DLGAP2: variants seen among roughly 807,000 people sequenced by gnomAD.
The protein encoded by DLGAP2 is disks large-associated protein 2.
In DLGAP2, 26 loss-of-function variants were observed where a neutral mutation model predicts 100.3. That is an observed-to-expected ratio of 0.26 (90% confidence interval 0.19 to 0.36). The LOEUF is 0.36. DLGAP2 is among the 10% of genes least tolerant of loss of function. The probability of loss-of-function intolerance (pLI) is 1.00; values close to 1 mark genes in which losing one functional copy is unlikely to be tolerated. For missense variants in DLGAP2, 1,858 were observed against 1,453.2 expected (o/e 1.28, Z -4.53); for synonymous variants, 886 against 630.1 (o/e 1.41, Z -6.08).
At chr8:1,136,442 C>A (rs1679281392) in intron 2 of DLGAP2, among the ~76,000 whole-genome samples, 1 of 152,204 alleles carries the variant, frequency 6.6e-6, no homozygotes, top group African/African-American at 2.4e-5. Context: ...AGCTCTCTGG[C>A]TCCCCATACA....
chr8:1,372,250 G>A (rs533606580), intron 3 of DLGAP2, among the ~76,000 whole-genome samples: 61 of 151,480 alleles, frequency 4.0e-4, no homozygotes, highest in Non-Finnish European at 6.6e-4. Context: ...ACGCTGGGAC[G>A]CTGGTCACCG....
chr8:1,377,368 C>T (rs1039662707), intron 3 of DLGAP2, among the ~76,000 whole-genome samples: 1 of 152,168 alleles, frequency 6.6e-6, no homozygotes, highest in Non-Finnish European at 1.5e-5. Context: ...TATGGTGAAA[C>T]CCCGTCTCTA....
chr8:1,338,157 A>G (rs1450991391), intron 3 of DLGAP2, among the ~76,000 whole-genome samples: 1 of 152,264 alleles, frequency 6.6e-6, no homozygotes, highest in Non-Finnish European at 1.5e-5. Flanking sequence ...CAGTTACCTT[A>G]TGACCCAGTG....
chr8:816,330 T>C (rs892211952), intron 1 of DLGAP2, among the ~76,000 whole-genome samples: 3 of 152,070 alleles, frequency 2.0e-5, no homozygotes, highest in Non-Finnish European at 4.4e-5. Context: ...GTGAGATTTA[T>C]GCTTTAAGGA....
intron 2 of DLGAP2, among the ~76,000 whole-genome samples, chr8:1,000,517 A>G (rs1400802359): frequency 6.9e-6 from 1 of 145,118 alleles, no homozygotes; most frequent in Non-Finnish European, 1.5e-5. Context: ...TTTGCAATGG[A>G]TTTTCTATAG....
At chr8:1,343,705 G>T (rs1424255648) in intron 3 of DLGAP2, among the ~76,000 whole-genome samples, 1 of 128,796 alleles carries the variant, frequency 7.8e-6, no homozygotes, top group Non-Finnish European at 1.7e-5. Flanking sequence ...GCATCTGGGG[G>T]GTCGTGGGGG....
In DLGAP2 at chr8:1,123,064, T is replaced by C. The variant is rs1010453257; in HGVS notation, c.74-135787T>C. Among the ~76,000 whole-genome samples the C allele has an allele frequency of 2.0e-5, 3 of 152,244 alleles. No individual in the cohort carries two copies. The East Asian group carries it at 5.8e-4, about 29-fold the overall frequency. ...GGGTTGGGGGCACTAAATATTCAAA[T>C]GTATTTGAAAATAACTATGCAAATC... On this transcript the variant is annotated intron_variant, in intron 2 of 14. Coordinates refer to ENST00000637795, the MANE Select transcript of DLGAP2 (RefSeq NM_001346810.2).
chr8:1,601,947 T>A (rs1414839372), intron 6 of DLGAP2, among the ~76,000 whole-genome samples: 1 of 142,972 alleles, frequency 7.0e-6, no homozygotes, highest in Non-Finnish European at 1.5e-5. Context: ...TTTAACAGGG[T>A]GTGTGTGTGT....
intron 5 of DLGAP2, among the ~76,000 whole-genome samples, chr8:1,551,285 G>T (rs998971403): frequency 1.2e-4 from 19 of 152,168 alleles, no homozygotes; most frequent in African/African-American, 4.6e-4. Flanking sequence ...GAAAGAATCG[G>T]GGTTCACTCT....
At chr8:1,574,424 C>T (rs1584944582) in intron 6 of DLGAP2, among the ~76,000 whole-genome samples, 1 of 152,010 alleles carries the variant, frequency 6.6e-6, no homozygotes, top group South Asian at 2.1e-4. Flanking sequence ...CCTGTCTCAG[C>T]GAGTCACACC....
chr8:800,040 A>T (rs954242399), intron 1 of DLGAP2, among the ~76,000 whole-genome samples: 58 of 151,968 alleles, frequency 3.8e-4, no homozygotes, highest in African/African-American at 1.4e-3. Context: ...ATGTTTCTGG[A>T]TGTCCTTTTA....
At chr8:776,378 C>G (rs1439738767) in intron 1 of DLGAP2, among the ~76,000 whole-genome samples, 2 of 151,822 alleles carry the variant, frequency 1.3e-5, no homozygotes, top group Non-Finnish European at 2.9e-5. Context: ...TTAGTTATTT[C>G]TTGCCTTCTG....
intron 3 of DLGAP2, among the ~76,000 whole-genome samples, chr8:1,325,779 A>G (rs1486743222): frequency 6.6e-6 from 1 of 152,144 alleles, no homozygotes; most frequent in African/African-American, 2.4e-5. Flanking sequence ...GACGGGTGAA[A>G]TGTTAATTTA....
intron 1 of DLGAP2, among the ~76,000 whole-genome samples, chr8:759,448 G>A (rs1821021347): frequency 6.6e-6 from 1 of 152,122 alleles, no homozygotes. Context: ...CCGGGGTTGG[G>A]ACGGGTATGC....
intron 2 of DLGAP2, among the ~76,000 whole-genome samples, chr8:994,374 A>G (rs919794988): frequency 3.3e-5 from 5 of 151,886 alleles, no homozygotes; most frequent in Admixed American, 1.3e-4. Flanking sequence ...CTAATTTTGT[A>G]TTTTTAGTAG....
intron 2 of DLGAP2, among the ~76,000 whole-genome samples, chr8:1,148,547 A>T (rs1796645104): frequency 7.9e-6 from 1 of 125,824 alleles, no homozygotes; most frequent in African/African-American, 3.1e-5. Flanking sequence ...TTATCTTCTA[A>T]TATATGAACT....
intron 2 of DLGAP2, among the ~76,000 whole-genome samples, chr8:1,118,301 C>G (rs949241209): frequency 2.0e-5 from 3 of 152,176 alleles, no homozygotes; most frequent in African/African-American, 7.2e-5. Context: ...ATCTGCAGCT[C>G]TTGACCCCGT....
At chr8:1,086,184 A>G (rs1432663414) in intron 2 of DLGAP2, among the ~76,000 whole-genome samples, 1 of 152,120 alleles carries the variant, frequency 6.6e-6, no homozygotes, top group African/African-American at 2.4e-5. Flanking sequence ...AGGGTTTTCT[A>G]TATATAATAT....
chr8:1,322,734 C>T (rs1242539098), intron 3 of DLGAP2, among the ~76,000 whole-genome samples: 3 of 152,372 alleles, frequency 2.0e-5, no homozygotes, highest in Admixed American at 6.5e-5. Flanking sequence ...TGATTCCCTG[C>T]GTTTCTTGCC....
Sources: gnomAD v4.1 joint callset for allele counts (sites outside exome capture counted in the v4.1 genomes callset) on GRCh38, gnomAD v4.1.1 for gene constraint, MANE v1.5 for transcripts, NCBI Gene and HGNC (gene_info 2026-07-23, HGNC 2026-07-21) for gene names.